Variants in EVX2 observed in about 807,000 individuals in gnomAD.
EVX2 encodes even-skipped homeobox 2, also known as homeobox even-skipped homolog protein 2.
Under a neutral mutation model 19.2 loss-of-function variants are expected in EVX2, and 10 were observed. The ratio of observed to expected loss-of-function variants is 0.52; its 90% CI spans 0.32 to 0.89. The LOEUF (loss-of-function observed/expected upper bound fraction) is 0.89. EVX2 is among the 40% of genes least tolerant of loss of function. The pLI is 0.03. For synonymous variants in EVX2, 354 were observed against 328.4 expected (o/e 1.08, Z -0.84); for missense variants, 710 against 694.9 (o/e 1.02, Z -0.24).
In EVX2 at chr2:176,080,575, G is replaced by C. The variant is rs200844347; in HGVS notation, c.963C>G (p.Thr321=). 5.9e-4 allele frequency: 897 copies of C among 1,532,322 alleles called. 5 individuals carry two copies. In the African/African-American group the frequency reaches 0.01, roughly 17 times the overall value. The allele number at this position is 1,532,322 out of a possible 1,614,324, so 94.9% of individuals were successfully genotyped here. The part of the protein sequence containing the change: ...PFATSIRPLD[T]FRALSHPYSR... ...AGTAGGGGTGCGAGAGGGCGCGGAA[G>C]GTGTCCAGTGGCCGGATGGAAGTAG... The change falls in exon 3 of 3, where the codon ACC becomes ACG. Residue 321 remains threonine (T), a synonymous_variant. Transcript: ENST00000308618. This position sits in a 1 kb window ranked among gnomAD's most constrained non-coding sequence, Gnocchi z 7.0.
chr2:176,083,246 T>C lies in EVX2; in HGVS notation c.427+104A>G. ...CCGTGCTAGCTCGGTGTAGCTTGCCTGTGGAGGGTCTGAGAGGGGAAAAGG... is the reference window on the plus strand; with the variant it reads ...CCGTGCTAGCTCGGTGTAGCTTGCCCGTGGAGGGTCTGAGAGGGGAAAAGG... On this transcript the variant is annotated intron_variant, in intron 1 of 2. Coordinates refer to ENST00000308618, the MANE Select transcript of EVX2 (RefSeq NM_001080458.2). This position sits in a 1 kb window ranked among gnomAD's most constrained non-coding sequence, Gnocchi z 4.4. 8.2e-7 allele frequency: 1 copy of C among 1,214,942 alleles called. No individual in the cohort carries two copies. Among genetic ancestry groups the C allele is most frequent in the Non-Finnish European group, 1.1e-6 (1 of 873,898 alleles). 75.3% of individuals were successfully genotyped at this position (1,214,942 alleles called of 1,614,324 possible).
In EVX2 at chr2:176,083,275, C is replaced by G. The variant is rs1689173646; in HGVS notation, c.427+75G>C. The G allele has an allele frequency of 6.9e-7, 1 of 1,459,540 alleles. No homozygotes were observed. Among genetic ancestry groups the G allele is most frequent in the Non-Finnish European group, 9.2e-7 (1 of 1,084,544 alleles). 90.4% of individuals were successfully genotyped at this position (1,459,540 alleles called of 1,614,324 possible). On this transcript the variant is annotated intron_variant, in intron 1 of 2. Coordinates refer to ENST00000308618, the MANE Select transcript of EVX2 (RefSeq NM_001080458.2). This position sits in a 1 kb window ranked among gnomAD's most constrained non-coding sequence, Gnocchi z 4.4. ...GAGGGTCTGAGAGGGGAAAAGGCACCGGGAAAGGCTGGCGGGGGCCGCGGA... is the reference window on the plus strand; with the variant it reads ...GAGGGTCTGAGAGGGGAAAAGGCACGGGGAAAGGCTGGCGGGGGCCGCGGA...
Position 176,080,905 on chromosome 2 carries a change from A to C in EVX2, c.700-67T>G, listed in dbSNP as rs1253469683. 3 of 1,530,344 alleles carry C rather than the reference A, an allele frequency of 2.0e-6. No homozygotes were observed. The highest frequency in any genetic ancestry group is 2.6e-6 in the Non-Finnish European group (3 of 1,141,048). 94.8% of individuals were successfully genotyped at this position (1,530,344 alleles called of 1,614,324 possible). A position where few individuals can be genotyped will look rare whatever the true frequency, so the allele number is the denominator to read the frequency against. Reference sequence around the variant, plus strand: ...CCGTGTTCCCAGCTCCTGTCCCAGGACCTCTGCCCCTTCCGGACCTCTGAA... The same window carrying C: ...CCGTGTTCCCAGCTCCTGTCCCAGGCCCTCTGCCCCTTCCGGACCTCTGAA... On this transcript the variant is annotated intron_variant, in intron 2 of 2. Transcript: ENST00000308618. This position sits in a 1 kb window ranked among gnomAD's most constrained non-coding sequence, Gnocchi z 7.0.
chr2:176,078,023 C>T lies in EVX2; in HGVS notation c.*2084G>A, dbSNP rs1449927396. ...TATTTTATGGTAATATTTTAATAGA[C>T]CCCAGGAATTTCGAAATACTGTTTC... On this transcript the variant is annotated 3_prime_UTR_variant, in exon 3 of 3. Coordinates refer to ENST00000308618, the MANE Select transcript of EVX2 (RefSeq NM_001080458.2). 1 of 152,084 alleles carries T rather than the reference C, an allele frequency of 6.6e-6. No homozygotes were observed. The highest frequency in any genetic ancestry group is 1.5e-5 in the Non-Finnish European group (1 of 67,996). The allele number at this position is 152,084 out of a possible 1,614,324, so 9.4% of individuals were successfully genotyped here.
Position 176,083,494 on chromosome 2 carries a change from CGGA to C in EVX2, c.280_282del (p.Ser94del), listed in dbSNP as rs1409191001. The C allele has an allele frequency of 8.1e-6, 13 of 1,614,076 alleles. No individual in the cohort carries two copies. The highest frequency in any genetic ancestry group is 1.0e-5 in the Non-Finnish European group (12 of 1,180,052). On this transcript the variant is annotated inframe_deletion, in exon 1 of 3. Coordinates refer to ENST00000308618, the MANE Select transcript of EVX2 (RefSeq NM_001080458.2). This position sits in a 1 kb window ranked among gnomAD's most constrained non-coding sequence, Gnocchi z 4.4. ...CCCGGCTTCTTGCGGCTCTCGGCGGCGGAGGAGATTTCGGAGGAGACGGTGCTT... is the reference window on the plus strand; with the variant it reads ...CCCGGCTTCTTGCGGCTCTCGGCGGCGGAGATTTCGGAGGAGACGGTGCTT...
chr2:176,082,556 C>G lies in EVX2; in HGVS notation c.428-107G>C. On this transcript the variant is annotated intron_variant, in intron 1 of 2. Transcript: ENST00000308618. This position sits in a 1 kb window ranked among gnomAD's most constrained non-coding sequence, Gnocchi z 5.2. ...CCCCGTCAGGAAGGAGAGTCGCTGC[C>G]GGAATTGATGGGGTCTGTCATGCTT... The G allele has an allele frequency of 2.3e-6, 3 of 1,308,882 alleles. No individual in the cohort carries two copies. Among genetic ancestry groups the G allele is most frequent in the South Asian group, 1.5e-5 (1 of 65,802 alleles). 81.1% of individuals were successfully genotyped at this position (1,308,882 alleles called of 1,614,324 possible). A position where few individuals can be genotyped will look rare whatever the true frequency, so the allele number is the denominator to read the frequency against.
In EVX2 at chr2:176,079,999, G is replaced by GGCGGCA. The variant is rs1689105566; in HGVS notation, c.*102_*107dup. 3 of 1,238,882 alleles carry GGCGGCA rather than the reference G, an allele frequency of 2.4e-6. No homozygotes were observed. The highest frequency in any genetic ancestry group is 1.6e-5 in the African/African-American group (1 of 64,112). 76.7% of individuals were successfully genotyped at this position (1,238,882 alleles called of 1,614,324 possible). A position where few individuals can be genotyped will look rare whatever the true frequency, so the allele number is the denominator to read the frequency against. On this transcript the variant is annotated 3_prime_UTR_variant, in exon 3 of 3. Coordinates refer to ENST00000308618, the MANE Select transcript of EVX2 (RefSeq NM_001080458.2). This position sits in a 1 kb window ranked among gnomAD's most constrained non-coding sequence, Gnocchi z 4.4. ...CCTCCCGCGCCCCGGGGCGCCCCCT[G>GGCGGCA]GCGGCAGCGGCAGCAGCGGGCAACG... is the stretch of plus-strand genomic sequence containing the variant.
At position 176,082,232 on chromosome 2, in the gene EVX2, C is replaced by A; in HGVS notation, c.645G>T (p.Arg215=). 1 of 1,601,534 alleles carries A rather than the reference C, an allele frequency of 6.2e-7. No individual in the cohort carries two copies. The highest frequency in any genetic ancestry group is 8.5e-7 in the Non-Finnish European group (1 of 1,177,556). The change falls in exon 2 of 3, where the codon CGG becomes CGT. Residue 215 remains arginine (R), a synonymous_variant. Transcript: ENST00000308618. This position sits in a 1 kb window ranked among gnomAD's most constrained non-coding sequence, Gnocchi z 5.2. ...KEFYRENYVS[R]PRRCELAAAL... is the part of the protein sequence containing the mutation. ...CCGCGGCCAGCTCGCACCGGCGGGGCCGCGACACATAGTTCTCCCGGTAGA... is the reference window on the plus strand; with the variant it reads ...CCGCGGCCAGCTCGCACCGGCGGGGACGCGACACATAGTTCTCCCGGTAGA...
In EVX2 at chr2:176,082,449, C is replaced by G; in HGVS notation, c.428G>C (p.Gly143Ala). ...GGCAGCCGAGCCGCTCTCTGCGTACCCTGGCAAACAAACGACCAACAGCGC... is the reference window on the plus strand; with the variant it reads ...GGCAGCCGAGCCGCTCTCTGCGTACGCTGGCAAACAAACGACCAACAGCGC... ...AAQLKENNGKGYAESGSAAGT... is the reference protein window; with the variant it reads ...AAQLKENNGKAYAESGSAAGT... Residue 143 changes from glycine (G) to alanine (A), a missense_variant and splice_region_variant, in exon 2 of 3, where the codon GGG becomes GCG. Physicochemically the swap from Gly to Ala is moderately conservative, Grantham distance 60. Coordinates refer to ENST00000308618, the MANE Select transcript of EVX2 (RefSeq NM_001080458.2). This position sits in a 1 kb window ranked among gnomAD's most constrained non-coding sequence, Gnocchi z 5.2. 6.5e-7 allele frequency: 1 copy of G among 1,544,466 alleles called. No individual in the cohort carries two copies. The highest frequency in any genetic ancestry group is 8.7e-7 in the Non-Finnish European group (1 of 1,147,458).
chr2:176,080,330 G>T lies in EVX2; in HGVS notation c.1208C>A (p.Ala403Glu), dbSNP rs928062340. Reference protein sequence around the residue: ...HSSQSAAAAAAAAAAALGSRG... With the variant: ...HSSQSAAAAAEAAAAALGSRG... Reference sequence around the variant, plus strand: ...GGAACCCAGGGCTGCGGCAGCTGCTGCCGCGGCTGCCGCCGCCGACTGACT... The same window carrying T: ...GGAACCCAGGGCTGCGGCAGCTGCTTCCGCGGCTGCCGCCGCCGACTGACT... Residue 403 changes from alanine (A) to glutamate (E), a missense_variant, in exon 3 of 3, where the codon GCA becomes GAA. Physicochemically the swap from Ala to Glu is moderately radical, Grantham distance 107 (BLOSUM62 -1). Coordinates refer to ENST00000308618, the MANE Select transcript of EVX2 (RefSeq NM_001080458.2). This position sits in a 1 kb window ranked among gnomAD's most constrained non-coding sequence, Gnocchi z 7.0. 68 of 1,281,238 alleles carry T rather than the reference G, an allele frequency of 5.3e-5. No homozygotes were observed. In the African/African-American group the frequency reaches 8.9e-4, roughly 17 times the overall value. 79.4% of individuals were successfully genotyped at this position (1,281,238 alleles called of 1,614,324 possible).
rs1352799297 is a variant in EVX2, at chr2:176,080,035, T to TCAGGGGGCGCA, written c.*61_*71dup. 2 of 1,389,100 alleles carry TCAGGGGGCGCA rather than the reference T, an allele frequency of 1.4e-6. No individual in the cohort carries two copies. Among genetic ancestry groups the TCAGGGGGCGCA allele is most frequent in the East Asian group, 2.9e-5 (1 of 34,940 alleles). 86.0% of individuals were successfully genotyped at this position (1,389,100 alleles called of 1,614,324 possible). A position where few individuals can be genotyped will look rare whatever the true frequency, so the allele number is the denominator to read the frequency against. On this transcript the variant is annotated 3_prime_UTR_variant, in exon 3 of 3. Transcript: ENST00000308618. The surrounding 1 kb of genome is among the most constrained non-coding windows in gnomAD (Gnocchi z 7.0). ...CAGCAGCGGGCAACGCGCGGAGGGC[T>TCAGGGGGCGCA]CAGGGGGCGCACAGGGGACTCCCGG...
In EVX2 at chr2:176,080,038, G is replaced by C; in HGVS notation, c.*69C>G. ...CAGCGGGCAACGCGCGGAGGGCTCAGGGGGCGCACAGGGGACTCCCGGGCA... is the reference window on the plus strand; with the variant it reads ...CAGCGGGCAACGCGCGGAGGGCTCACGGGGCGCACAGGGGACTCCCGGGCA... On this transcript the variant is annotated 3_prime_UTR_variant, in exon 3 of 3. Coordinates refer to ENST00000308618, the MANE Select transcript of EVX2 (RefSeq NM_001080458.2). The surrounding 1 kb of genome is among the most constrained non-coding windows in gnomAD (Gnocchi z 7.0). 7.1e-7 allele frequency: 1 copy of C among 1,404,962 alleles called. No individual in the cohort carries two copies. Among genetic ancestry groups the C allele is most frequent in the Non-Finnish European group, 9.3e-7 (1 of 1,074,414 alleles). The allele number at this position is 1,404,962 out of a possible 1,614,324, so 87.0% of individuals were successfully genotyped here. A position where few individuals can be genotyped will look rare whatever the true frequency, so the allele number is the denominator to read the frequency against.
In EVX2 at chr2:176,080,674, C is replaced by T. The variant is rs1325946143; in HGVS notation, c.864G>A (p.Pro288=). 1 of 1,593,430 alleles carries T rather than the reference C, an allele frequency of 6.3e-7. No individual in the cohort carries two copies. The highest frequency in any genetic ancestry group is 8.5e-7 in the Non-Finnish European group (1 of 1,175,334). ...FHSHVPLHYY[P]HVGVTAAAAA... ...CCGCCGCCGCCGTGACGCCCACGTG[C>T]GGGTAGTAGTGCAGCGGCACGTGCG... The change falls in exon 3 of 3, where the codon CCG becomes CCA. Residue 288 remains proline (P), a synonymous_variant. Coordinates refer to ENST00000308618, the MANE Select transcript of EVX2 (RefSeq NM_001080458.2). The surrounding 1 kb of genome is among the most constrained non-coding windows in gnomAD (Gnocchi z 7.0).
chr2:176,080,779 C>T lies in EVX2; in HGVS notation c.759G>A (p.Pro253=). The change falls in exon 3 of 3, where the codon CCG becomes CCA. Residue 253 remains proline, a synonymous_variant. Transcript: ENST00000308618. This position sits in a 1 kb window ranked among gnomAD's most constrained non-coding sequence, Gnocchi z 7.0. ...TGTAGAAGCTGGGGTCGGCTGGGTG[C>T]GGCCAGGACATGGCCAGGCGCTGCC... ...DKRQRLAMSW[P]HPADPSFYTY... 6.2e-7 allele frequency: 1 copy of T among 1,611,092 alleles called. No individual in the cohort carries two copies. The highest frequency in any genetic ancestry group is 8.5e-7 in the Non-Finnish European group (1 of 1,179,474).
At position 176,080,323 on chromosome 2, in the gene EVX2, AGCTGCTGCCGCGGCTGCCGCC is replaced by A. The variant is rs1349708175; in HGVS notation, c.1194_1214del (p.Ala402_Ala408del). The A allele has an allele frequency of 7.7e-7, 1 of 1,296,518 alleles. No homozygotes were observed. The highest frequency in any genetic ancestry group is 9.9e-7 in the Non-Finnish European group (1 of 1,012,134). 80.3% of individuals were successfully genotyped at this position (1,296,518 alleles called of 1,614,324 possible). On this transcript the variant is annotated inframe_deletion, in exon 3 of 3. Coordinates refer to ENST00000308618, the MANE Select transcript of EVX2 (RefSeq NM_001080458.2). The surrounding 1 kb of genome is among the most constrained non-coding windows in gnomAD (Gnocchi z 7.0). ...CACCCCGGGAACCCAGGGCTGCGGC[AGCTGCTGCCGCGGCTGCCGCC>A]GCCGACTGACTGCTGTGGCAACTGA...
Position 176,081,983 on chromosome 2 carries a change from A to T in EVX2, c.699+195T>A, listed in dbSNP as rs554290977. Among the ~76,000 whole-genome samples, 2 of 152,350 alleles carry T rather than the reference A, an allele frequency of 1.3e-5. No homozygotes were observed. Among genetic ancestry groups the T allele is most frequent in the Admixed American group, 6.5e-5 (1 of 15,310 alleles). ...GGAGTCACCATTCGGGGGCCTTCTT[A>T]GATCCGTCAGGCCGGACAACCGTTC... On this transcript the variant is annotated intron_variant, in intron 2 of 2. Transcript: ENST00000308618. The surrounding 1 kb of genome is among the most constrained non-coding windows in gnomAD (Gnocchi z 5.9).
chr2:176,081,675 G>C lies in EVX2; in HGVS notation c.699+503C>G, dbSNP rs1689147829. On this transcript the variant is annotated intron_variant, in intron 2 of 2. Coordinates refer to ENST00000308618, the MANE Select transcript of EVX2 (RefSeq NM_001080458.2). The surrounding 1 kb of genome is among the most constrained non-coding windows in gnomAD (Gnocchi z 5.9). ...TTTCGTTGCATTTTTCCCCGCAGGA[G>C]GTTGCCCTTTTTTCGTTGCCCAAGA... Among the ~76,000 whole-genome samples, 1 of 152,156 alleles carries C rather than the reference G, an allele frequency of 6.6e-6. No individual in the cohort carries two copies. The highest frequency in any genetic ancestry group is 1.5e-5 in the Non-Finnish European group (1 of 68,038).
In EVX2 at chr2:176,080,963, A is replaced by G. The variant is rs548473434; in HGVS notation, c.700-125T>C. The stretch of plus-strand genomic sequence containing the variant: ...GTCTACTTCTCTCCGACCAAGCCCA[A>G]CCCCGAGTACCCTGTGGTCTCCCAG... On this transcript the variant is annotated intron_variant, in intron 2 of 2. Coordinates refer to ENST00000308618, the MANE Select transcript of EVX2 (RefSeq NM_001080458.2). This position sits in a 1 kb window ranked among gnomAD's most constrained non-coding sequence, Gnocchi z 7.0. The G allele has an allele frequency of 2.6e-5, 32 of 1,215,594 alleles. No individual in the cohort carries two copies. The African/African-American group carries it at 3.7e-4, about 14-fold the overall frequency. 75.3% of individuals were successfully genotyped at this position (1,215,594 alleles called of 1,614,324 possible). A position where few individuals can be genotyped will look rare whatever the true frequency, so the allele number is the denominator to read the frequency against.
Position 176,080,898 on chromosome 2 carries a change from T to C in EVX2, c.700-60A>G. The C allele has an allele frequency of 6.5e-7, 1 of 1,546,404 alleles. No individual in the cohort carries two copies. The highest frequency in any genetic ancestry group is 8.7e-7 in the Non-Finnish European group (1 of 1,148,994). ...GAGCGCCCCGTGTTCCCAGCTCCTG[T>C]CCCAGGACCTCTGCCCCTTCCGGAC... On this transcript the variant is annotated intron_variant, in intron 2 of 2. Transcript: ENST00000308618. The surrounding 1 kb of genome is among the most constrained non-coding windows in gnomAD (Gnocchi z 7.0).
Sources: gnomAD v4.1 joint callset for allele counts (sites outside exome capture counted in the v4.1 genomes callset) on GRCh38, gnomAD v4.1.1 for gene constraint, Gnocchi (gnomAD v3.1) non-coding constraint, MANE v1.5 for transcripts, NCBI Gene and HGNC (gene_info 2026-07-23, HGNC 2026-07-21) for gene names.